Variants in GCA observed in about 807,000 individuals in gnomAD.
GCA encodes the protein grancalcin.
A neutral mutation model predicts 32.6 loss-of-function variants in GCA; 30 were observed. The observed-to-expected ratio is 0.92, with a 90% CI of 0.69 to 1.25. GCA has a LOEUF of 1.25. Ranked by LOEUF, GCA falls within the 50% of genes most tolerant of loss-of-function variation. The pLI, the probability that GCA is intolerant of heterozygous loss-of-function variation, is 0.00. For missense variants in GCA, 291 were observed against 266.8 expected (o/e 1.09, Z -0.63); for synonymous variants, 102 against 84.6 (o/e 1.21, Z -1.13).
chr2:162,339,007 A>C (rs1285431770), intron 1 of GCA, among the ~76,000 whole-genome samples: 1 of 152,232 alleles, frequency 6.6e-6, no homozygotes, highest in Non-Finnish European at 1.5e-5. Flanking sequence ...CCAAAAGAGT[A>C]CTAGTATTTT....
At chr2:162,341,805 C>A (rs1396688568), upstream of GCA, among the ~76,000 whole-genome samples, 1 of 152,162 alleles carries the variant, frequency 6.6e-6, no homozygotes, top group Non-Finnish European at 1.5e-5. Flanking sequence ...GCCATACTCT[C>A]AGATTTGCTA....
chr2:162,360,363 CCTTT>C lies in GCA; in HGVS notation c.*123_*126del. The C allele has an allele frequency of 7.1e-7, 1 of 1,404,782 alleles. No individual in the cohort carries two copies. 87.0% of individuals were successfully genotyped at this position (1,404,782 alleles called of 1,614,324 possible). A position where few individuals can be genotyped will look rare whatever the true frequency, so the allele number is the denominator to read the frequency against. On this transcript the variant is annotated 3_prime_UTR_variant, in exon 8 of 8. Coordinates refer to ENST00000437150, the MANE Select transcript of GCA (RefSeq NM_012198.5). ...TTCTTCCTACCTGTTAAACCTCTTC[CCTTT>C]CTGTGTGTTTTTATTTTAGCAGATA...
chr2:162,333,912 T>C (rs1684178390), intron 1 of GCA, among the ~76,000 whole-genome samples: 1 of 152,192 alleles, frequency 6.6e-6, no homozygotes, highest in African/African-American at 2.4e-5. Context: ...CTGAAACTTA[T>C]CTCGAAAAAG....
At chr2:162,373,547 GTC>G (rs1686044553), downstream of GCA, 1 of 1,592,414 alleles carries the variant, frequency 6.3e-7, no homozygotes, top group Admixed American at 1.8e-5. Flanking sequence ...TGGATGATGG[GTC>G]TCTGATATTC....
At chr2:162,358,777 A>G (rs1009487062) in intron 5 of GCA, among the ~76,000 whole-genome samples, 2 of 151,396 alleles carry the variant, frequency 1.3e-5, no homozygotes, top group African/African-American at 4.8e-5. Context: ...CAAAATAACA[A>G]TATATGATAA....
In GCA at chr2:162,344,288, C is replaced by G. The variant is rs1367626159; in HGVS notation, c.27+13C>G. 1 of 1,613,270 alleles carries G rather than the reference C, an allele frequency of 6.2e-7. No homozygotes were observed. The highest frequency in any genetic ancestry group is 2.2e-5 in the East Asian group (1 of 44,846). On this transcript the variant is annotated intron_variant, in intron 1 of 7. Coordinates refer to ENST00000437150, the MANE Select transcript of GCA (RefSeq NM_012198.5). ...ATACGGAGGAGGGGTGAGTCCCAGC[C>G]GCTTGGTCGTGTCCCTCTTCCTCGC...
chr2:162,330,213 T>A (rs180803044), intron 1 of GCA, among the ~76,000 whole-genome samples: 1 of 152,226 alleles, frequency 6.6e-6, no homozygotes, highest in Non-Finnish European at 1.5e-5. Flanking sequence ...CTGGGTCAAA[T>A]GGTATTTCTG....
intron 2 of GCA, 85 bp downstream of exon 2, chr2:162,347,827 T>A: frequency 1.3e-6 from 1 of 773,046 alleles, no homozygotes; most frequent in Non-Finnish European, 1.9e-6. Flanking sequence ...TCATTTTAAA[T>A]GTATATGAAA....
In GCA at chr2:162,356,754, T is replaced by C. The variant is rs372940496; in HGVS notation, c.307-4T>C. ...GAATTTATTTTTGTTAATAAAACTATCAGAGAGATCACACAGGAAAAATGG... is the reference window on the plus strand; with the variant it reads ...GAATTTATTTTTGTTAATAAAACTACCAGAGAGATCACACAGGAAAAATGG... On this transcript the variant is annotated splice_polypyrimidine_tract_variant and splice_region_variant and intron_variant, in intron 4 of 7. Coordinates refer to ENST00000437150, the MANE Select transcript of GCA (RefSeq NM_012198.5). 4 of 1,595,364 alleles carry C rather than the reference T, an allele frequency of 2.5e-6. No individual in the cohort carries two copies. The highest frequency in any genetic ancestry group is 1.1e-5 in the South Asian group (1 of 90,366).
intron 4 of GCA, among the ~76,000 whole-genome samples, chr2:162,370,098 A>G (rs1294155910): frequency 2.6e-5 from 4 of 152,182 alleles, no homozygotes; most frequent in Non-Finnish European, 5.9e-5. Context: ...TTAAAAATAC[A>G]TAGGGAGCAA....
chr2:162,359,800 T>C (rs537018249), intron 7 of GCA, among the ~76,000 whole-genome samples: 1 of 151,012 alleles, frequency 6.6e-6, no homozygotes, highest in African/African-American at 2.4e-5. Flanking sequence ...AAAAAAAAAA[T>C]GATCTTTCAA....
upstream of GCA, among the ~76,000 whole-genome samples, chr2:162,340,580 A>G (rs978889054): frequency 1.3e-5 from 2 of 152,084 alleles, no homozygotes; most frequent in Non-Finnish European, 2.9e-5. Context: ...AAATCGTATC[A>G]TGTCCCACTT....
rs745638795 is a variant in GCA at position 162,360,282 on chromosome 2, CT to C, written c.*43del. The C allele has an allele frequency of 6.3e-6, 10 of 1,577,362 alleles. No individual in the cohort carries two copies. The highest frequency in any genetic ancestry group is 8.6e-6 in the Non-Finnish European group (10 of 1,159,764). ...TAAACCTGAAGAGACACTGTGAATT[CT>C]TTTGTTTGGAAGAAGTGAACTGGAC... On this transcript the variant is annotated 3_prime_UTR_variant, in exon 8 of 8. Transcript: ENST00000437150.
chr2:162,354,521 C>G (rs1480193200), intron 3 of GCA, among the ~76,000 whole-genome samples: 2 of 152,104 alleles, frequency 1.3e-5, no homozygotes, highest in African/African-American at 4.8e-5. Flanking sequence ...AGCATCCATC[C>G]AACTGAACCG....
chr2:162,362,382 C>G lies in GCA; in HGVS notation c.*2139C>G. ...ACATTAGGCCTAGAGAATATTTTACCAGAATTTTTATACTGAAATACAGTT... is the reference window on the plus strand; with the variant it reads ...ACATTAGGCCTAGAGAATATTTTACGAGAATTTTTATACTGAAATACAGTT... On this transcript the variant is annotated 3_prime_UTR_variant, in exon 8 of 8. Coordinates refer to ENST00000437150, the MANE Select transcript of GCA (RefSeq NM_012198.5). 4 of 979,398 alleles carry G rather than the reference C, an allele frequency of 4.1e-6. No homozygotes were observed. Among genetic ancestry groups the G allele is most frequent in the Non-Finnish European group, 4.8e-6 (4 of 824,852 alleles). 60.7% of individuals were successfully genotyped at this position (979,398 alleles called of 1,614,324 possible). A position where few individuals can be genotyped will look rare whatever the true frequency, so the allele number is the denominator to read the frequency against.
chr2:162,350,091 C>T (rs747014181), intron 2 of GCA, among the ~76,000 whole-genome samples: 91 of 152,160 alleles, frequency 6.0e-4, no homozygotes, highest in Non-Finnish European at 8.7e-4. Context: ...TAGTCACCAT[C>T]CCAGATACCT....
chr2:162,358,815 T>A (rs1416678537), intron 5 of GCA, among the ~76,000 whole-genome samples: 1 of 151,478 alleles, frequency 6.6e-6, no homozygotes, highest in East Asian at 1.9e-4. Context: ...TATTTTCTTT[T>A]CCTTAGCTTT....
rs1003231228 is a variant in GCA at position 162,370,866 on chromosome 2, C to T, written c.366-440C>T. Among the ~76,000 whole-genome samples, 9 of 152,158 alleles carry T rather than the reference C, an allele frequency of 5.9e-5. 1 individual carries two copies. Among genetic ancestry groups the T allele is most frequent in the Admixed American group, 4.6e-4 (7 of 15,270 alleles). On this transcript the variant is annotated intron_variant, in intron 4 of 4. Coordinates refer to the GCA transcript ENST00000414723. ...GCACTCTTGACCTCCCAAGCTCAAC[C>T]CATCCTCCCACCTCAGTCTCTCAAG...
upstream of GCA, among the ~76,000 whole-genome samples, chr2:162,340,932 C>T (rs145096230): frequency 8.5e-4 from 130 of 152,252 alleles, no homozygotes; most frequent in Admixed American, 7.2e-4. Context: ...AGAGCTACAA[C>T]CTACTCTGTC....
Sources: allele counts gnomAD v4.1 joint callset (sites outside exome capture counted in the v4.1 genomes callset), GRCh38; gene constraint gnomAD v4.1.1; transcripts MANE v1.5; gene names NCBI Gene and HGNC (gene_info 2026-07-23, HGNC 2026-07-21).